The following UNC79 variants were observed in gnomAD, a reference collection of about 807,000 sequenced individuals.
The protein encoded by UNC79 is protein unc-79 homolog.
In UNC79, 37 loss-of-function variants were observed where a neutral mutation model predicts 283.1. The ratio of observed to expected loss-of-function variants is 0.13; its 90% CI spans 0.10 to 0.17. UNC79 has a LOEUF of 0.17. UNC79 is among the 10% of genes least tolerant of loss of function. The pLI is 1.00. For missense variants in UNC79, 2,272 were observed against 3,211.1 expected, an observed-to-expected ratio of 0.71 and a Z score of 7.07; for synonymous variants, 1,107 against 1,200.2, an observed-to-expected ratio of 0.92 and a Z score of 1.61.
intron 1 of UNC79, chr14:93,347,051 T>C (rs1595370505): frequency 2.2e-6 from 1 of 459,970 alleles, no homozygotes; most frequent in Non-Finnish European, 3.7e-6. Context: ...GACTGCTGAG[T>C]GGAAAGGGCA....
At chr14:93,645,391 C>T (rs2069487519) in intron 34 of UNC79, among the ~76,000 whole-genome samples, 1 of 152,158 alleles carries the variant, frequency 6.6e-6, no homozygotes, top group Non-Finnish European at 1.5e-5. Flanking sequence ...TAGCAAGAGA[C>T]AGGGAGTACA....
At chr14:93,630,677 T>C (rs2067956606) in intron 30 of UNC79, 124 bp from the exon 33 acceptor site, 9 of 688,212 alleles carry the variant, frequency 1.3e-5, no homozygotes, top group Admixed American at 2.7e-5. Context: ...AAGTAATTAT[T>C]AGGCCAGGAA....
intron 5 of UNC79, among the ~76,000 whole-genome samples, chr14:93,493,618 G>A (rs2058843943): frequency 6.6e-6 from 1 of 152,044 alleles, no homozygotes; most frequent in Non-Finnish European, 1.5e-5. Flanking sequence ...GCTAGAGTGG[G>A]TTTCTGGATG....
At chr14:93,446,354 T>C (rs1490060440) in intron 1 of UNC79, among the ~76,000 whole-genome samples, 1 of 152,000 alleles carries the variant, frequency 6.6e-6, no homozygotes, top group African/African-American at 2.4e-5. Context: ...TATCTTGCAA[T>C]TTTTTTCTTT....
intron 5 of UNC79, among the ~76,000 whole-genome samples, chr14:93,489,967 A>AC (rs1335912166): frequency 6.6e-6 from 1 of 152,018 alleles, no homozygotes; most frequent in African/African-American, 2.4e-5. Context: ...AGGTGAATAC[A>AC]CCCCCATGCC....
chr14:93,374,106 T>C (rs2054508658), intron 1 of UNC79, among the ~76,000 whole-genome samples: 1 of 151,786 alleles, frequency 6.6e-6, no homozygotes, highest in African/African-American at 2.4e-5. Flanking sequence ...ACTAGAGCAA[T>C]GCTGAGCAGA....
chr14:93,413,951 T>C (rs1159576914), intron 1 of UNC79, among the ~76,000 whole-genome samples: 4 of 150,458 alleles, frequency 2.7e-5, no homozygotes, highest in Admixed American at 2.7e-4. Flanking sequence ...GAGTAGGTTG[T>C]GAAAATTTTC....
intron 23 of UNC79, among the ~76,000 whole-genome samples, chr14:93,597,141 G>T (rs558029572): frequency 1.6e-3 from 242 of 152,328 alleles, no homozygotes; most frequent in Non-Finnish European, 2.8e-3. Flanking sequence ...AAAAAGTTCT[G>T]CTCTGAGTAG....
chr14:93,610,088 T>G (rs1341469121), intron 26 of UNC79, among the ~76,000 whole-genome samples: 4 of 152,180 alleles, frequency 2.6e-5, no homozygotes, highest in African/African-American at 9.7e-5. Context: ...ATGGGAAAAC[T>G]CAGGGTTGCA....
At chr14:93,704,481 G>T in intron 47 of UNC79, 144 bp from the exon 51 acceptor site, 1 of 920,036 alleles carries the variant, frequency 1.1e-6, no homozygotes, top group Non-Finnish European at 1.7e-6. Context: ...ACATTTTGCT[G>T]ATAACGGGTA....
intron 23 of UNC79, 77 bp downstream of exon 23, chr14:93,593,914 C>G: frequency 6.9e-7 from 1 of 1,445,200 alleles, no homozygotes; most frequent in Non-Finnish European, 9.2e-7. Context: ...TTTTTTGGCA[C>G]CTCCTTTCTT....
chr14:93,640,184 G>A (rs2068893961), intron 32 of UNC79, among the ~76,000 whole-genome samples: 1 of 152,118 alleles, frequency 6.6e-6, no homozygotes, highest in African/African-American at 2.4e-5. Flanking sequence ...CTCATCCCTG[G>A]ACCATGTTGC....
At chr14:93,668,991 A>G (rs1274095691) in intron 40 of UNC79, among the ~76,000 whole-genome samples, 2 of 151,232 alleles carry the variant, frequency 1.3e-5, no homozygotes, top group East Asian at 3.9e-4. Flanking sequence ...AAAAAAAAAA[A>G]AAAAAAAAAA....
intron 47 of UNC79, among the ~76,000 whole-genome samples, chr14:93,695,822 T>C (rs1595118969): frequency 7.3e-6 from 1 of 136,716 alleles, no homozygotes; most frequent in Non-Finnish European, 1.5e-5. Context: ...ACCCGGAAGG[T>C]GGAGGTTGCA....
chr14:93,427,988 T>C (rs1474800723), upstream of UNC79, among the ~76,000 whole-genome samples: 1 of 152,166 alleles, frequency 6.6e-6, no homozygotes, highest in African/African-American at 2.4e-5. Context: ...TGGAGAAGAC[T>C]TTGAAGAGCA....
rs185061904 is a variant in UNC79 at position 93,639,901 on chromosome 14, G to T, written c.5801-1244G>T. 1.2e-3 allele frequency among the ~76,000 whole-genome samples: 180 copies of T among 152,322 alleles called. 2 individuals carry two copies. The highest frequency in any genetic ancestry group is 4.1e-3 in the African/African-American group (169 of 41,570). On this transcript the variant is annotated intron_variant, in intron 32 of 48. Transcript: ENST00000555664. ...GAAATCTTTCCCCTATTTGAGGAAAGGTCATACCGGGTTTTTGTTTGCTTG... is the reference window on the plus strand; with the variant it reads ...GAAATCTTTCCCCTATTTGAGGAAATGTCATACCGGGTTTTTGTTTGCTTG...
At chr14:93,618,247 C>T (rs780016976) in exon 29 of UNC79, 1 of 1,613,898 alleles carries the variant, frequency 6.2e-7, no homozygotes, top group Admixed American at 1.7e-5. Flanking sequence ...ATTCACATAA[C>T]AGTCAATACA....
chr14:93,344,830 G>A (rs546863453), intron 1 of UNC79, among the ~76,000 whole-genome samples: 1 of 152,338 alleles, frequency 6.6e-6, no homozygotes, highest in East Asian at 1.9e-4. Flanking sequence ...ATGAGGTTAG[G>A]GAGGTGGCCA....
chr14:93,530,910 G>GA (rs760993117), intron 10 of UNC79, among the ~76,000 whole-genome samples: 67 of 151,566 alleles, frequency 4.4e-4, no homozygotes, highest in Non-Finnish European at 8.1e-4. Context: ...CTCCGTCTCA[G>GA]AAAAAAAACA....
Sources: gnomAD v4.1 joint callset for allele counts (sites outside exome capture counted in the v4.1 genomes callset) on GRCh38, gnomAD v4.1.1 for gene constraint, MANE v1.5 for transcripts, NCBI Gene and HGNC (gene_info 2026-07-23, HGNC 2026-07-21) for gene names.